GPC5: variants seen among roughly 807,000 people sequenced by gnomAD.
GPC5 encodes the protein glypican-5.
A neutral mutation model predicts 53.9 loss-of-function variants in GPC5; 47 were observed. That is an observed-to-expected ratio of 0.87 (90% CI 0.69 to 1.11). The LOEUF is 1.11. Among genes scored for constraint, GPC5 ranks in the 50% most tolerant of loss-of-function variants. The probability of loss-of-function intolerance (pLI) is 0.00; values close to 1 mark genes in which losing one functional copy is unlikely to be tolerated. For synonymous variants in GPC5, 286 were observed against 263.3 expected, an observed-to-expected ratio of 1.09 and a Z score of -0.84; for missense variants, 748 against 713.1, an observed-to-expected ratio of 1.05 and a Z score of -0.56.
chr13:91,906,311 T>C (rs1972350), intron 5 of GPC5, among the ~76,000 whole-genome samples: 112,253 of 151,856 alleles, frequency 0.74, 42,211 homozygotes, highest in East Asian at 0.96. Context: ...CAAAGGCTAC[T>C]TCAAGTTACA....
intron 6 of GPC5, among the ~76,000 whole-genome samples, chr13:91,947,012 T>G (rs1157161958): frequency 6.6e-6 from 1 of 152,222 alleles, no homozygotes; most frequent in African/African-American, 2.4e-5. Flanking sequence ...ACCTGGAGGT[T>G]TAACTCCAGC....
At chr13:91,661,066 T>C (rs973386707) in intron 2 of GPC5, among the ~76,000 whole-genome samples, 1 of 152,168 alleles carries the variant, frequency 6.6e-6, no homozygotes, top group African/African-American at 2.4e-5. Flanking sequence ...TTCTACATCC[T>C]TGCAGGGGTA....
At chr13:92,115,689 G>T (rs191792829) in intron 6 of GPC5, among the ~76,000 whole-genome samples, 1 of 152,196 alleles carries the variant, frequency 6.6e-6, no homozygotes, top group Non-Finnish European at 1.5e-5. Flanking sequence ...GGTATTTCAG[G>T]TAGATCCACG....
intron 7 of GPC5, among the ~76,000 whole-genome samples, chr13:92,829,687 T>G (rs1252366317): frequency 6.6e-6 from 1 of 152,056 alleles, no homozygotes; most frequent in Admixed American, 6.6e-5. Flanking sequence ...GGCATTCAAA[T>G]GCAAAAAAGT....
At chr13:91,886,141 T>TGGGGAGGCCTCAAAGTCATGG (rs2039319567) in intron 5 of GPC5, among the ~76,000 whole-genome samples, 1 of 152,148 alleles carries the variant, frequency 6.6e-6, no homozygotes, top group African/African-American at 2.4e-5. Context: ...TCCACATGGC[T>TGGGGAGGCCTCAAAGTCATGG]GGGGAGGCCT....
At chr13:91,531,996 C>T (rs1886368691) in intron 2 of GPC5, among the ~76,000 whole-genome samples, 1 of 151,998 alleles carries the variant, frequency 6.6e-6, no homozygotes, top group Non-Finnish European at 1.5e-5. Flanking sequence ...ATCCAGCTAA[C>T]TGAAGTTTTC....
At chr13:92,284,693 C>G (rs1019174453) in intron 7 of GPC5, among the ~76,000 whole-genome samples, 10 of 152,102 alleles carry the variant, frequency 6.6e-5, no homozygotes, top group Non-Finnish European at 1.2e-4. Flanking sequence ...ATTCAACAGC[C>G]CTTCATGCTA....
chr13:91,431,853 T>G (rs1055667283), intron 1 of GPC5, among the ~76,000 whole-genome samples: 22 of 152,346 alleles, frequency 1.4e-4, no homozygotes, highest in African/African-American at 5.0e-4. Flanking sequence ...CATTTATCGT[T>G]GAAGGTTTCT....
At chr13:92,757,462 G>A (rs547667442) in intron 7 of GPC5, among the ~76,000 whole-genome samples, 4 of 152,164 alleles carry the variant, frequency 2.6e-5, no homozygotes, top group South Asian at 2.1e-4. Context: ...AATGGCAACA[G>A]AAGCCAAAAT....
intron 2 of GPC5, among the ~76,000 whole-genome samples, chr13:91,673,872 T>C (rs2035307229): frequency 6.6e-6 from 1 of 152,172 alleles, no homozygotes; most frequent in South Asian, 2.1e-4. Flanking sequence ...TCTTTTACTC[T>C]CGTGATGAGG....
At position 92,121,378 on chromosome 13, in the gene GPC5, C is replaced by G. The variant is rs2041647809; in HGVS notation, c.1402-23452C>G. 2.0e-5 allele frequency among the ~76,000 whole-genome samples: 3 copies of G among 152,182 alleles called. No individual in the cohort carries two copies. The South Asian group carries it at 6.2e-4, about 31-fold the overall frequency. On this transcript the variant is annotated intron_variant, in intron 6 of 7. Coordinates refer to ENST00000377067, the MANE Select transcript of GPC5 (RefSeq NM_004466.6). ...AACTCACTTCTGCTCTTTGAGAAGT[C>G]ACACAAACAATTGCTGAATTAATCT... is the stretch of plus-strand genomic sequence containing the variant.
Position 92,794,474 on chromosome 13 carries a change from A to C in GPC5, c.1562-71808A>C, listed in dbSNP as rs535393198. Among the ~76,000 whole-genome samples, 5 of 152,292 alleles carry C rather than the reference A, an allele frequency of 3.3e-5. No individual in the cohort carries two copies. In the South Asian group the frequency reaches 1.0e-3, roughly 32 times the overall value. On this transcript the variant is annotated intron_variant, in intron 7 of 7. Coordinates refer to ENST00000377067, the MANE Select transcript of GPC5 (RefSeq NM_004466.6). ...AAGCATTCCCTTTGAAATCCAGCATAAGACAAGGATGCCCTCTCTCACCAT... is the reference window on the plus strand; with the variant it reads ...AAGCATTCCCTTTGAAATCCAGCATCAGACAAGGATGCCCTCTCTCACCAT...
intron 5 of GPC5, among the ~76,000 whole-genome samples, chr13:91,873,866 G>A (rs1414384442): frequency 2.6e-5 from 4 of 152,058 alleles, no homozygotes; most frequent in South Asian, 2.1e-4. Flanking sequence ...TTTTTTGATG[G>A]AGATGAGGTT....
chr13:92,544,495 G>T (rs941194932), intron 7 of GPC5, among the ~76,000 whole-genome samples: 1 of 152,102 alleles, frequency 6.6e-6, no homozygotes, highest in African/African-American at 2.4e-5. Context: ...TTATTTGGGT[G>T]TTATTATTGA....
intron 1 of GPC5, among the ~76,000 whole-genome samples, chr13:91,443,646 C>A (rs367668542): frequency 1.3e-5 from 2 of 152,150 alleles, no homozygotes; most frequent in Non-Finnish European, 2.9e-5. Flanking sequence ...CTTCAAGAAG[C>A]GCTGATTTCT....
At chr13:92,820,049 C>T (rs1203983503) in intron 7 of GPC5, among the ~76,000 whole-genome samples, 1 of 152,076 alleles carries the variant, frequency 6.6e-6, no homozygotes, top group African/African-American at 2.4e-5. Context: ...CACTAATACC[C>T]GATTACTGTC....
intron 2 of GPC5, among the ~76,000 whole-genome samples, chr13:91,452,257 TA>T (rs1325337360): frequency 6.6e-6 from 1 of 152,134 alleles, no homozygotes; most frequent in Non-Finnish European, 1.5e-5. Flanking sequence ...GTGCTGGGAT[TA>T]TAGGCATAAG....
intron 7 of GPC5, among the ~76,000 whole-genome samples, chr13:92,215,347 C>T (rs2042402356): frequency 6.6e-6 from 1 of 152,130 alleles, no homozygotes; most frequent in South Asian, 2.1e-4. Context: ...AAAAATCTTG[C>T]ATCACCCTTT....
intron 7 of GPC5, among the ~76,000 whole-genome samples, chr13:92,457,779 C>A (rs1337402404): frequency 1.3e-5 from 2 of 151,982 alleles, no homozygotes; most frequent in Non-Finnish European, 2.9e-5. Context: ...GCTCTAATAT[C>A]TTTGATTACA....
Sources: allele counts gnomAD v4.1 joint callset (sites outside exome capture counted in the v4.1 genomes callset), GRCh38; gene constraint gnomAD v4.1.1; transcripts MANE v1.5; gene names NCBI Gene and HGNC (gene_info 2026-07-23, HGNC 2026-07-21).